The following NRXN3 variants were observed in gnomAD, a reference collection of about 807,000 sequenced individuals.
NRXN3 encodes neurexin 3.
Under a neutral mutation model 137.6 loss-of-function variants are expected in NRXN3, and 32 were observed. The observed-to-expected ratio is 0.23, with a 90% CI of 0.18 to 0.31. The LOEUF (loss-of-function observed/expected upper bound fraction) is 0.31. Among genes scored for constraint, NRXN3 ranks in the 10% least tolerant of loss-of-function variants. NRXN3 has a pLI of 1.00. For missense variants in NRXN3, 1,574 were observed against 2,062.5 expected (o/e 0.76, Z 4.59); for synonymous variants, 798 against 784.5 (o/e 1.02, Z -0.29).
chr14:78,850,784 A>T (rs559855321), intron 10 of NRXN3, among the ~76,000 whole-genome samples: 26 of 152,296 alleles, frequency 1.7e-4, no homozygotes, highest in Non-Finnish European at 2.9e-4. Flanking sequence ...TTTCAGGGGT[A>T]AACAAACCTC....
intron 15 of NRXN3, among the ~76,000 whole-genome samples, chr14:79,034,716 A>T (rs1326689658): frequency 6.6e-6 from 1 of 152,124 alleles, no homozygotes; most frequent in Non-Finnish European, 1.5e-5. Flanking sequence ...GTGGGGTTTA[A>T]GAGTACATTT....
chr14:79,141,081 T>A (rs1276901169), intron 15 of NRXN3, among the ~76,000 whole-genome samples: 1 of 152,216 alleles, frequency 6.6e-6, no homozygotes. Context: ...GTCTTACTTA[T>A]CAAATGGAAC....
At chr14:78,664,065 A>G (rs566988851) in intron 6 of NRXN3, among the ~76,000 whole-genome samples, 2 of 152,186 alleles carry the variant, frequency 1.3e-5, no homozygotes, top group African/African-American at 2.4e-5. Flanking sequence ...ACAAGGACAC[A>G]TTTTTCACTT....
intron 1 of NRXN3, among the ~76,000 whole-genome samples, chr14:78,185,252 T>G (rs2060140786): frequency 6.6e-6 from 1 of 152,156 alleles, no homozygotes; most frequent in Admixed American, 6.5e-5. Flanking sequence ...ACCCAGGGGT[T>G]TCGATGGAGG....
intron 15 of NRXN3, among the ~76,000 whole-genome samples, chr14:79,147,042 G>A (rs1342759925): frequency 6.6e-6 from 1 of 151,780 alleles, no homozygotes; most frequent in African/African-American, 2.4e-5. Context: ...ATGTATGAGG[G>A]GGATGAAAAA....
intron 15 of NRXN3, among the ~76,000 whole-genome samples, chr14:79,005,484 G>C (rs2099550480): frequency 6.6e-6 from 1 of 152,098 alleles, no homozygotes; most frequent in South Asian, 2.1e-4. Flanking sequence ...TATCTGATGA[G>C]AGTCTTTCTT....
chr14:78,848,275 A>G (rs2099033192), intron 10 of NRXN3, among the ~76,000 whole-genome samples: 1 of 152,092 alleles, frequency 6.6e-6, no homozygotes, highest in South Asian at 2.1e-4. Flanking sequence ...TTCTTCTCTT[A>G]TATAGAGACT....
At chr14:79,329,096 G>T (rs1056433805) in intron 15 of NRXN3, among the ~76,000 whole-genome samples, 1 of 152,118 alleles carries the variant, frequency 6.6e-6, no homozygotes, top group African/African-American at 2.4e-5. Context: ...GCAAGTTTTG[G>T]TTCCAATGGA....
chr14:78,774,788 G>A (rs947046167), intron 8 of NRXN3, among the ~76,000 whole-genome samples: 3 of 152,170 alleles, frequency 2.0e-5, no homozygotes, highest in Non-Finnish European at 4.4e-5. Flanking sequence ...GCTGAGTGTG[G>A]TAGTGCACAC....
At chr14:78,230,305 T>C (rs2065218820) in intron 1 of NRXN3, among the ~76,000 whole-genome samples, 1 of 150,336 alleles carries the variant, frequency 6.7e-6, no homozygotes, top group Non-Finnish European at 1.5e-5. Context: ...TAGCCACCTC[T>C]GTCTCTGTCT....
At chr14:78,634,057 G>A (rs544397907) in intron 4 of NRXN3, among the ~76,000 whole-genome samples, 4 of 152,310 alleles carry the variant, frequency 2.6e-5, no homozygotes, top group South Asian at 4.1e-4. Flanking sequence ...CTGTGGAAAG[G>A]AAAAGCATTA....
intron 15 of NRXN3, among the ~76,000 whole-genome samples, chr14:79,027,975 C>A (rs1248584966): frequency 6.6e-6 from 1 of 152,180 alleles, no homozygotes; most frequent in East Asian, 1.9e-4. Context: ...TATTTAATCT[C>A]TACTAGATTT....
chr14:78,733,072 T>G (rs2098524067), intron 8 of NRXN3, among the ~76,000 whole-genome samples: 1 of 152,152 alleles, frequency 6.6e-6, no homozygotes, highest in Admixed American at 6.6e-5. Context: ...GGGGTCCTGG[T>G]TCTCTGCTGA....
At chr14:79,410,331 ACCAAACTACC>A (rs944413146) in intron 15 of NRXN3, among the ~76,000 whole-genome samples, 2 of 152,092 alleles carry the variant, frequency 1.3e-5, no homozygotes, top group African/African-American at 4.8e-5. Context: ...TCTTTCTGGC[ACCAAACTACC>A]CCAAACTCCA....
chr14:78,293,496 C>G (rs886696339), intron 3 of NRXN3, among the ~76,000 whole-genome samples: 1 of 152,116 alleles, frequency 6.6e-6, no homozygotes, highest in Non-Finnish European at 1.5e-5. Flanking sequence ...CTGTTTCCCC[C>G]AGTCTCCCAT....
chr14:79,288,465 G>A (rs1214813577), intron 15 of NRXN3, among the ~76,000 whole-genome samples: 1 of 152,308 alleles, frequency 6.6e-6, no homozygotes, highest in Non-Finnish European at 1.5e-5. Flanking sequence ...TGTGTGACAG[G>A]TACTCTTCCA....
chr14:78,913,274 C>CTTTTTTTTTTTTTTTTTTTTTTTTTTT lies in NRXN3; in HGVS notation c.2276-43944_2276-43943insTTTTTTTTTTTTTTTTTTTTTTTTTTT, dbSNP rs1157942892. On this transcript the variant is annotated intron_variant, in intron 10 of 20. Transcript: ENST00000335750. ...TCTTTCTTTCTTTCTTTCTTTCTTT[C>CTTTTTTTTTTTTTTTTTTTTTTTTTTT]TTTTTTTTTTTTTTTTTTTTTTTTG... Among the ~76,000 whole-genome samples, 2 of 47,858 alleles carry CTTTTTTTTTTTTTTTTTTTTTTTTTTT rather than the reference C, an allele frequency of 4.2e-5. 1 individual carries two copies. The highest frequency in any genetic ancestry group is 2.0e-4 in the African/African-American group (2 of 9,922). The allele number at this position is 47,858 out of a possible 152,430, so 31.4% of individuals were successfully genotyped here.
intron 15 of NRXN3, among the ~76,000 whole-genome samples, chr14:79,329,497 A>G (rs939189289): frequency 1.3e-5 from 2 of 152,220 alleles, no homozygotes; most frequent in Non-Finnish European, 2.9e-5. Context: ...TTTGCAAGCC[A>G]TATGGTCTCT....
intron 15 of NRXN3, among the ~76,000 whole-genome samples, chr14:79,179,957 G>A (rs957666397): frequency 6.6e-6 from 1 of 152,160 alleles, no homozygotes; most frequent in Non-Finnish European, 1.5e-5. Flanking sequence ...CTGGCCATTT[G>A]ATGATCATTC....
Sources: gnomAD v4.1 joint callset for allele counts (sites outside exome capture counted in the v4.1 genomes callset) on GRCh38, gnomAD v4.1.1 for gene constraint, MANE v1.5 for transcripts, NCBI Gene and HGNC (gene_info 2026-07-23, HGNC 2026-07-21) for gene names.